PCDH15: variants seen among roughly 807,000 people sequenced by gnomAD.
The protein encoded by PCDH15 is protocadherin-15.
PCDH15 carries 129 observed loss-of-function variants against 178.5 expected under a neutral mutation model. That is an observed-to-expected ratio of 0.72 (90% confidence interval 0.63 to 0.84). The LOEUF (loss-of-function observed/expected upper bound fraction) is 0.84. PCDH15 is among the 40% of genes least tolerant of loss of function. The pLI is 0.00. For missense variants in PCDH15, 2,230 were observed against 2,099.9 expected, an observed-to-expected ratio of 1.06 and a Z score of -1.21; for synonymous variants, 800 against 732.0, an observed-to-expected ratio of 1.09 and a Z score of -1.50.
intron 2 of PCDH15, among the ~76,000 whole-genome samples, chr10:55,479,022 A>AG (rs1177808331): frequency 2.7e-5 from 4 of 150,942 alleles, no homozygotes; most frequent in Admixed American, 1.3e-4. Context: ...AGAAAAGTCC[A>AG]GGATCTGATG....
intron 11 of PCDH15, among the ~76,000 whole-genome samples, chr10:54,188,595 A>G (rs2048685207): frequency 6.6e-6 from 1 of 151,892 alleles, no homozygotes; most frequent in African/African-American, 2.4e-5. Flanking sequence ...TGAGATGGTA[A>G]AATAAGCTCT....
At chr10:53,886,498 C>T (rs1238240089) in intron 26 of PCDH15, among the ~76,000 whole-genome samples, 1 of 151,612 alleles carries the variant, frequency 6.6e-6, no homozygotes, top group Non-Finnish European at 1.5e-5. Context: ...CTTTAATCAA[C>T]ATTGACTTAA....
chr10:54,139,771 G>T (rs1020835921), intron 14 of PCDH15, among the ~76,000 whole-genome samples: 3 of 151,962 alleles, frequency 2.0e-5, no homozygotes, highest in Non-Finnish European at 4.4e-5. Flanking sequence ...CAAGGCAGAA[G>T]AAAACCAATA....
chr10:53,998,513 G>T (rs879693403), intron 20 of PCDH15, among the ~76,000 whole-genome samples: 1 of 151,908 alleles, frequency 6.6e-6, no homozygotes, highest in African/African-American at 2.4e-5. Context: ...TTCTCCTTTA[G>T]CAGACTACCA....
In PCDH15 at chr10:54,066,844, A is replaced by T. The variant is rs2094144870; in HGVS notation, c.2133T>A (p.Asn711Lys). 1 of 1,613,482 alleles carries T rather than the reference A, an allele frequency of 6.2e-7. No homozygotes were observed. Among genetic ancestry groups the T allele is most frequent in the Non-Finnish European group, 8.5e-7 (1 of 1,179,588 alleles). Residue 711 changes from asparagine (N) to lysine (K), a missense_variant, in exon 18 of 38, where the codon AAT (asparagine) becomes AAA (lysine). Transcript: ENST00000644397. ...AAGGATCAAACACTGGAGCATTGTCATTGACATCTGTCACCACTATGTTTA... is the reference window on the plus strand; with the variant it reads ...AAGGATCAAACACTGGAGCATTGTCTTTGACATCTGTCACCACTATGTTTA... ...ATVNIVVTDV[N>K]DNAPVFDPYL...
intron 32 of PCDH15, chr10:53,823,029 G>A (rs1268452196): frequency 1.2e-6 from 2 of 1,613,914 alleles, no homozygotes; most frequent in East Asian, 2.2e-5. Context: ...CTTTTCTCTT[G>A]GGCCCCTCAG....
chr10:54,525,497 G>A (rs2083281899), intron 3 of PCDH15, among the ~76,000 whole-genome samples: 2 of 152,138 alleles, frequency 1.3e-5, no homozygotes, highest in South Asian at 4.1e-4. Context: ...TGCCACCCAT[G>A]CTTCAGTGCA....
intron 1 of PCDH15, among the ~76,000 whole-genome samples, chr10:55,210,400 G>C (rs1840526832): frequency 6.6e-6 from 1 of 151,740 alleles, no homozygotes; most frequent in African/African-American, 2.4e-5. Flanking sequence ...AAAGATCACT[G>C]AAGTATTTGA....
intron 23 of PCDH15, among the ~76,000 whole-genome samples, chr10:53,952,307 G>T (rs992976875): frequency 6.6e-6 from 1 of 152,178 alleles, no homozygotes; most frequent in African/African-American, 2.4e-5. Context: ...GCAAAGAGGT[G>T]CTTCATTGAG....
chr10:55,349,093 A>T (rs1844840041), intron 2 of PCDH15, among the ~76,000 whole-genome samples: 1 of 152,126 alleles, frequency 6.6e-6, no homozygotes, highest in Admixed American at 6.6e-5. Context: ...TATTGGGTCT[A>T]TTGAGAATGA....
rs370027744 is a variant in PCDH15, at chr10:54,986,448, T to A, written c.-79-88948A>T. Reference sequence around the variant, plus strand: ...GATTTTGTACTTTTCTCTACTGAATTTTCCCACTAGACATAACTCTGAAAA... The same window carrying A: ...GATTTTGTACTTTTCTCTACTGAATATTCCCACTAGACATAACTCTGAAAA... On this transcript the variant is annotated intron_variant, in intron 2 of 5. Transcript: ENST00000458638. 4.7e-4 allele frequency among the ~76,000 whole-genome samples: 72 copies of A among 152,288 alleles called. No homozygotes were observed. The East Asian group carries it at 6.7e-3, about 14-fold the overall frequency.
intron 14 of PCDH15, among the ~76,000 whole-genome samples, chr10:54,138,447 C>T (rs1355430088): frequency 6.6e-6 from 1 of 151,978 alleles, no homozygotes; most frequent in Non-Finnish European, 1.5e-5. Flanking sequence ...ATTGTGTTGG[C>T]GATTGTGTGT....
At chr10:54,552,659 A>G (rs888876941) in intron 2 of PCDH15, among the ~76,000 whole-genome samples, 4 of 152,174 alleles carry the variant, frequency 2.6e-5, no homozygotes, top group South Asian at 4.1e-4. Flanking sequence ...GAAGCATTAA[A>G]TAATGCAGTT....
At chr10:55,352,564 C>T (rs1844964006) in intron 2 of PCDH15, among the ~76,000 whole-genome samples, 1 of 152,044 alleles carries the variant, frequency 6.6e-6, no homozygotes, top group South Asian at 2.1e-4. Flanking sequence ...GAACACAATG[C>T]CAACCATTCT....
At chr10:54,408,159 GTT>G (rs200298512) in intron 3 of PCDH15, among the ~76,000 whole-genome samples, 20 of 145,870 alleles carry the variant, frequency 1.4e-4, no homozygotes, top group African/African-American at 4.8e-4. Flanking sequence ...ATAATTAGCT[GTT>G]TTTTTAAAAA....
At chr10:55,121,570 T>G (rs1232260413) in intron 2 of PCDH15, among the ~76,000 whole-genome samples, 1 of 152,108 alleles carries the variant, frequency 6.6e-6, no homozygotes, top group Non-Finnish European at 1.5e-5. Flanking sequence ...TATATGTGTC[T>G]CTCTAAAATT....
At chr10:54,195,613 G>T in intron 11 of PCDH15, 70 bp downstream of exon 11, 1 of 1,304,522 alleles carries the variant, frequency 7.7e-7, no homozygotes, top group Non-Finnish European at 1.1e-6. Context: ...CCATATCTTT[G>T]TCATATTTCC....
chr10:55,276,101 TAAAAAAATTC>T (rs1314329249), intron 1 of PCDH15, among the ~76,000 whole-genome samples: 1 of 151,066 alleles, frequency 6.6e-6, no homozygotes, highest in African/African-American at 2.4e-5. Context: ...TTTAGTAACT[TAAAAAAATTC>T]GTATTAATTC....
intron 2 of PCDH15, among the ~76,000 whole-genome samples, chr10:55,434,357 A>G (rs1589024079): frequency 1.3e-5 from 2 of 151,678 alleles, no homozygotes; most frequent in South Asian, 4.2e-4. Context: ...CGCCCGGCCA[A>G]TTCTCCGCTT....
Sources: gnomAD v4.1 joint callset for allele counts (sites outside exome capture counted in the v4.1 genomes callset) on GRCh38, gnomAD v4.1.1 for gene constraint, MANE v1.5 for transcripts, NCBI Gene and HGNC (gene_info 2026-07-23, HGNC 2026-07-21) for gene names.